ZNF638: variants seen among roughly 807,000 people sequenced by gnomAD.
ZNF638 encodes the protein CTCL tumor antigen se33-1.
ZNF638 carries 46 observed loss-of-function variants against 195.6 expected under a neutral mutation model. The observed-to-expected ratio is 0.24, with a 90% CI of 0.19 to 0.30. The LOEUF (loss-of-function observed/expected upper bound fraction) is 0.30, where lower values mean the gene tolerates loss of function less well. ZNF638 is among the 10% of genes least tolerant of loss of function. The pLI is 1.00. For missense variants in ZNF638, 2,440 were observed against 2,325.3 expected (o/e 1.05, Z -1.01); for synonymous variants, 845 against 772.0 (o/e 1.09, Z -1.57).
At chr2:71,404,032 T>TATTCTTCATGTATGTTGGGATGGAAAA (rs2104439451) in intron 17 of ZNF638, 34 bp downstream of exon 17, 1 of 1,577,852 alleles carries the variant, frequency 6.3e-7, no homozygotes, top group East Asian at 2.3e-5. Flanking sequence ...TAGCTCTTAC[T>TATTCTTCATGTATGTTGGGATGGAAAA]AAGTTTTTAA....
At chr2:71,410,276 C>T (rs1339451699) in intron 20 of ZNF638, among the ~76,000 whole-genome samples, 3 of 152,176 alleles carry the variant, frequency 2.0e-5, no homozygotes, top group Admixed American at 6.5e-5. Context: ...AACCTTAACT[C>T]CTGGGCTTAA....
rs748600729 is a variant in ZNF638, at chr2:71,349,785, G to A, written c.831G>A (p.Glu277=). 1.9e-6 allele frequency: 3 copies of A among 1,614,162 alleles called. No homozygotes were observed. In the South Asian group the frequency reaches 3.3e-5, roughly 18 times the overall value. ...TTCGCCAAATGGACTTCCCCGGTGA[G>A]TCCTCCAATAATCGGTCCTTTTTCT... The part of the protein sequence containing the change: ...DVFRQMDFPG[E]SSNNRSFFSV... Residue 277 remains glutamate, a synonymous_variant, in exon 2 of 28, where the codon GAG becomes GAA. Transcript: ENST00000264447.
intron 23 of ZNF638, among the ~76,000 whole-genome samples, chr2:71,425,036 T>A (rs747933644): frequency 6.6e-6 from 1 of 152,246 alleles, no homozygotes; most frequent in Non-Finnish European, 1.5e-5. Context: ...GAAAAAAAAT[T>A]TATATATGTG....
At chr2:71,408,486 G>A (rs1462372255) in intron 20 of ZNF638, 1 of 421,594 alleles carries the variant, frequency 2.4e-6, no homozygotes, top group Non-Finnish European at 4.2e-6. Context: ...TGACATGTAG[G>A]TATCTACATT....
At chr2:71,342,623 G>A (rs1038963740) in intron 1 of ZNF638, among the ~76,000 whole-genome samples, 7 of 152,138 alleles carry the variant, frequency 4.6e-5, no homozygotes, top group African/African-American at 1.4e-4. Flanking sequence ...AAGTACATAC[G>A]AGAAGTATTG....
At chr2:71,430,071 T>G (rs1010375327) in intron 25 of ZNF638, among the ~76,000 whole-genome samples, 3 of 152,238 alleles carry the variant, frequency 2.0e-5, no homozygotes, top group African/African-American at 7.2e-5. Flanking sequence ...AAAAGGATGA[T>G]TTAGTTACTG....
At chr2:71,382,051 A>C (rs577286354) in intron 10 of ZNF638, among the ~76,000 whole-genome samples, 28 of 152,142 alleles carry the variant, frequency 1.8e-4, no homozygotes, top group Non-Finnish European at 4.0e-4. Context: ...GCATTTTATT[A>C]TATGGAATTT....
chr2:71,387,206 TTA>T (rs1350149663), intron 10 of ZNF638, among the ~76,000 whole-genome samples: 1 of 152,058 alleles, frequency 6.6e-6, no homozygotes, highest in African/African-American at 2.4e-5. Context: ...GTTCGAAGAT[TTA>T]GAGTAGTTTC....
chr2:71,424,771 A>T (rs369389546), intron 23 of ZNF638, 56 bp downstream of exon 23: 2 of 1,389,624 alleles, frequency 1.4e-6, no homozygotes, highest in Admixed American at 3.9e-5. Flanking sequence ...AGCACAGTTC[A>T]TCTATCTTAT....
intron 10 of ZNF638, among the ~76,000 whole-genome samples, chr2:71,383,895 C>CCTGG: frequency 6.6e-6 from 1 of 151,490 alleles, no homozygotes; most frequent in Non-Finnish European, 1.5e-5. Flanking sequence ...AGCCACCATG[C>CCTGG]CTGGCCCTCT....
intron 8 of ZNF638, chr2:71,380,006 A>G: frequency 2.8e-6 from 1 of 352,168 alleles, no homozygotes; most frequent in East Asian, 5.0e-5. Flanking sequence ...ATAAGGAGAA[A>G]CTGCTGTAGT....
chr2:71,335,286 C>A (rs1573008743), intron 1 of ZNF638, among the ~76,000 whole-genome samples: 2 of 152,172 alleles, frequency 1.3e-5, no homozygotes, highest in Non-Finnish European at 2.9e-5. Flanking sequence ...AACCATCCTC[C>A]CACCTTAACC....
chr2:71,406,518 C>T (rs547591344), intron 19 of ZNF638, among the ~76,000 whole-genome samples: 50 of 152,242 alleles, frequency 3.3e-4, no homozygotes, highest in African/African-American at 9.6e-4. Flanking sequence ...GTGTAGACAG[C>T]ATTATCTTAC....
chr2:71,357,555 G>T (rs1293886777), intron 3 of ZNF638, among the ~76,000 whole-genome samples: 1 of 152,160 alleles, frequency 6.6e-6, no homozygotes, highest in Non-Finnish European at 1.5e-5. Flanking sequence ...TTGGATGGGG[G>T]TGAGTTACTT....
chr2:71,433,828 T>G (rs2080713975), intron 27 of ZNF638, among the ~76,000 whole-genome samples: 1 of 152,240 alleles, frequency 6.6e-6, no homozygotes. Context: ...TTTACTGAGC[T>G]GTTCTATGCT....
chr2:71,353,072 AGC>A (rs3841906), intron 2 of ZNF638, among the ~76,000 whole-genome samples: 23,616 of 152,104 alleles, frequency 0.16, 2,306 homozygotes, highest in East Asian at 0.57. Flanking sequence ...TATATTTTGC[AGC>A]CTCGTAAGTG....
chr2:71,403,480 T>G (rs538241918), intron 16 of ZNF638, among the ~76,000 whole-genome samples: 1 of 152,290 alleles, frequency 6.6e-6, no homozygotes, highest in Middle Eastern at 3.4e-3. Context: ...ATGTCTCATA[T>G]TTCTCATATT....
intron 1 of ZNF638, among the ~76,000 whole-genome samples, chr2:71,342,390 C>G (rs1341351189): frequency 6.6e-6 from 1 of 151,914 alleles, no homozygotes; most frequent in Non-Finnish European, 1.5e-5. Context: ...ACCACCACCG[C>G]CCCTTGCCCC....
In ZNF638 at chr2:71,422,963, A is replaced by C. The variant is rs749318412; in HGVS notation, c.3449A>C (p.Glu1150Ala). ...LVQQEEPCEE[E>A]AEKATCDSDF... The stretch of plus-strand genomic sequence containing the variant: ...CAGCAGGAAGAGCCTTGTGAGGAAG[A>C]AGCTGAAAAAGCAACATGTGATTCT... The change falls in exon 22 of 28, where the codon GAA (glutamate) becomes GCA (alanine). Residue 1150 changes from glutamate to alanine, a missense_variant. Physicochemically the swap from Glu to Ala is moderately radical, Grantham distance 107 (BLOSUM62 -1). Around this residue, in one of 5 missense-constraint regions of ZNF638, gnomAD observed 1,883 missense variants for 1,739.1 expected, o/e 1.08. Transcript: ENST00000264447. 1.9e-6 allele frequency: 3 copies of C among 1,614,014 alleles called. No individual in the cohort carries two copies. The highest frequency in any genetic ancestry group is 2.5e-6 in the Non-Finnish European group (3 of 1,179,994).
Sources: allele counts gnomAD v4.1 joint callset (sites outside exome capture counted in the v4.1 genomes callset), GRCh38; gene constraint gnomAD v4.1.1; regional missense constraint gnomAD v4.1.1; transcripts MANE v1.5; gene names NCBI Gene and HGNC (gene_info 2026-07-23, HGNC 2026-07-21).